Variants in TDO2 observed in about 807,000 individuals in gnomAD.
The protein encoded by TDO2 is tryptamin 2,3-dioxygenase.
A neutral mutation model predicts 61.2 loss-of-function variants in TDO2; 63 were observed. That is an observed-to-expected ratio of 1.03 (90% CI 0.84 to 1.27). The LOEUF (loss-of-function observed/expected upper bound fraction) is 1.27. Ranked by LOEUF, TDO2 falls within the 50% of genes most tolerant of loss-of-function variation. The probability of loss-of-function intolerance (pLI) is 0.00; values close to 1 mark genes in which losing one functional copy is unlikely to be tolerated. For missense variants in TDO2, 494 were observed against 469.5 expected (o/e 1.05, Z -0.48); for synonymous variants, 183 against 164.0 (o/e 1.12, Z -0.89).
In TDO2 at chr4:155,907,791, A is replaced by T. The variant is rs376385476; in HGVS notation, c.302A>T (p.His101Leu). ...DSVREIFQNGHVRDERNMLKV... is the reference protein window; with the variant it reads ...DSVREIFQNGLVRDERNMLKV... ...GTTCGAGAGATCTTTCAGAATGGCCATGTAAGTTCTTATGTCACAATATTG... is the reference window on the plus strand; with the variant it reads ...GTTCGAGAGATCTTTCAGAATGGCCTTGTAAGTTCTTATGTCACAATATTG... The change falls in exon 4 of 12, where the codon CAT (histidine) becomes CTT (leucine). Residue 101 changes from histidine (H) to leucine (L), a missense_variant and splice_region_variant. Physicochemically the swap from His to Leu is moderately conservative, Grantham distance 99 (BLOSUM62 -3). Transcript: ENST00000536354. The T allele has an allele frequency of 6.2e-7, 1 of 1,611,492 alleles. No individual in the cohort carries two copies. Among genetic ancestry groups the T allele is most frequent in the Non-Finnish European group, 8.5e-7 (1 of 1,178,094 alleles).
At chr4:155,912,328 G>A (rs1047582452) in intron 7 of TDO2, among the ~76,000 whole-genome samples, 4 of 152,238 alleles carry the variant, frequency 2.6e-5, no homozygotes, top group East Asian at 1.9e-4. Context: ...TACTTGTAAA[G>A]CATTGAAAGC....
chr4:155,914,835 T>C (rs1337621522), intron 8 of TDO2, among the ~76,000 whole-genome samples: 1 of 152,192 alleles, frequency 6.6e-6, no homozygotes, highest in African/African-American at 2.4e-5. Flanking sequence ...GTTTTAGAAT[T>C]AAGATAAAAT....
intron 7 of TDO2, among the ~76,000 whole-genome samples, chr4:155,913,316 G>A (rs377694004): frequency 3.8e-4 from 58 of 152,176 alleles, no homozygotes; most frequent in African/African-American, 1.2e-3. Context: ...ATGTGGTCAA[G>A]CCATATTAAG....
In TDO2 at chr4:155,917,489, C is replaced by A; in HGVS notation, c.976+15C>A. The stretch of plus-strand genomic sequence containing the variant: ...CAAATGGAGATGTAAGTCCTTCCCA[C>A]TCACCCCATGTTGCTTCCCCACATG... On this transcript the variant is annotated intron_variant, in intron 10 of 11. Coordinates refer to ENST00000536354, the MANE Select transcript of TDO2 (RefSeq NM_005651.4). 6.3e-7 allele frequency: 1 copy of A among 1,598,052 alleles called. No homozygotes were observed. The highest frequency in any genetic ancestry group is 8.5e-7 in the Non-Finnish European group (1 of 1,172,544).
intron 4 of TDO2, among the ~76,000 whole-genome samples, chr4:155,908,305 G>C (rs747453886): frequency 2.2e-4 from 33 of 152,116 alleles, no homozygotes; most frequent in Non-Finnish European, 4.1e-4. Context: ...AAAGCTTCCA[G>C]TGACGGCAGG....
At chr4:155,911,797 C>A (rs1017653176) in intron 7 of TDO2, among the ~76,000 whole-genome samples, 193 bp downstream of exon 7, 2 of 151,882 alleles carry the variant, frequency 1.3e-5, no homozygotes, top group Admixed American at 6.6e-5. Context: ...TAAAATAAGA[C>A]CTTCATTGCA....
rs992635717 is a variant in TDO2 at position 155,909,007 on chromosome 4, G to A, written c.424G>A (p.Asp142Asn). Residue 142 changes from aspartate (D) to asparagine (N), a missense_variant, in exon 5 of 12, where the codon GAC becomes AAC. By Grantham distance (23) the Asp-to-Asn change is conservative. Transcript: ENST00000536354. ...GACGATGACAGCCTTGGACTTCAAT[G>A]ACTTCAGGTGTGCACATTTGGCATT... ...LETMTALDFN[D>N]FREYLSPASG... 1 of 1,602,938 alleles carries A rather than the reference G, an allele frequency of 6.2e-7. No individual in the cohort carries two copies. The highest frequency in any genetic ancestry group is 1.8e-5 in the Admixed American group (1 of 57,018).
chr4:155,915,820 A>C, intron 8 of TDO2, 35 bp from the exon 9 acceptor site: 1 of 1,580,770 alleles, frequency 6.3e-7, no homozygotes, highest in South Asian at 1.2e-5. Flanking sequence ...ACCTTAAATG[A>C]CCTAAAAAAT....
chr4:155,904,398 T>C (rs1412802371), intron 2 of TDO2, among the ~76,000 whole-genome samples: 1 of 152,190 alleles, frequency 6.6e-6, no homozygotes, highest in East Asian at 1.9e-4. Flanking sequence ...CTGTGGATAA[T>C]TCACAGGCAT....
At position 155,920,191 on chromosome 4, in the gene TDO2, A is replaced by G; in HGVS notation, c.*201A>G. ...AAGATGAGAAAGAATACATTTAAAT[A>G]GTAACATTGTACATAGGGTGTTTTC... is the stretch of plus-strand genomic sequence containing the variant. On this transcript the variant is annotated 3_prime_UTR_variant, in exon 12 of 12. Transcript: ENST00000536354. 1 of 563,416 alleles carries G rather than the reference A, an allele frequency of 1.8e-6. No homozygotes were observed. 34.9% of individuals were successfully genotyped at this position (563,416 alleles called of 1,614,324 possible).
chr4:155,920,077 T>C lies in TDO2; in HGVS notation c.*87T>C. On this transcript the variant is annotated 3_prime_UTR_variant, in exon 12 of 12. Transcript: ENST00000536354. Reference sequence around the variant, plus strand: ...TTTTCATAAATACAGTTTGAATATATGTATGCATATATTGTTCAGCACCAC... The same window carrying C: ...TTTTCATAAATACAGTTTGAATATACGTATGCATATATTGTTCAGCACCAC... 2.4e-6 allele frequency: 3 copies of C among 1,261,022 alleles called. No homozygotes were observed. Among genetic ancestry groups the C allele is most frequent in the East Asian group, 2.4e-5 (1 of 42,322 alleles). The allele number at this position is 1,261,022 out of a possible 1,614,324, so 78.1% of individuals were successfully genotyped here.
intron 3 of TDO2, chr4:155,907,374 C>T (rs1397286277): frequency 1.1e-5 from 2 of 185,334 alleles, no homozygotes; most frequent in Non-Finnish European, 2.2e-5. Flanking sequence ...TTGATTATCA[C>T]TTCTGCTTCC....
chr4:155,909,465 A>G (rs1742778107), intron 5 of TDO2, among the ~76,000 whole-genome samples: 1 of 152,176 alleles, frequency 6.6e-6, no homozygotes, highest in Non-Finnish European at 1.5e-5. Flanking sequence ...TTTCTTACCA[A>G]AATGTGAGAA....
intron 9 of TDO2, 81 bp from the exon 10 acceptor site, chr4:155,917,314 A>C: frequency 8.4e-7 from 1 of 1,189,274 alleles, no homozygotes; most frequent in South Asian, 1.6e-5. Flanking sequence ...TCCAGGGCCA[A>C]CTGATTGTCA....
rs368729518 is a variant in TDO2, at chr4:155,909,005, A to G, written c.422A>G (p.Asn141Ser). The G allele has an allele frequency of 9.3e-6, 15 of 1,611,386 alleles. No individual in the cohort carries two copies. The highest frequency in any genetic ancestry group is 1.3e-5 in the African/African-American group (1 of 74,758). Residue 141 changes from asparagine (N) to serine (S), a missense_variant, in exon 5 of 12, where the codon AAT (asparagine) becomes AGT (serine). Coordinates refer to ENST00000536354, the MANE Select transcript of TDO2 (RefSeq NM_005651.4). ...ILETMTALDF[N>S]DFREYLSPAS... ...GAGACGATGACAGCCTTGGACTTCA[A>G]TGACTTCAGGTGTGCACATTTGGCA...
Position 155,907,772 on chromosome 4 carries a change from G to C in TDO2, c.283G>C (p.Glu95Gln), listed in dbSNP as rs373264242. The C allele has an allele frequency of 1.8e-5, 29 of 1,613,148 alleles. No homozygotes were observed. The African/African-American group carries it at 3.6e-4, about 20-fold the overall frequency. ...CCTCTGGGAGTTGGATTCTGTTCGAGAGATCTTTCAGAATGGCCATGTAAG... is the reference window on the plus strand; with the variant it reads ...CCTCTGGGAGTTGGATTCTGTTCGACAGATCTTTCAGAATGGCCATGTAAG... ...QILWELDSVR[E>Q]IFQNGHVRDE... The change falls in exon 4 of 12, where the codon GAG (glutamate) becomes CAG (glutamine). Residue 95 changes from glutamate to glutamine, a missense_variant. Physicochemically the swap from Glu to Gln is conservative, Grantham distance 29. Coordinates refer to ENST00000536354, the MANE Select transcript of TDO2 (RefSeq NM_005651.4).
Position 155,920,131 on chromosome 4 carries a change from T to C in TDO2, c.*141T>C, listed in dbSNP as rs1743016663. ...GCTCTGATTTAATTCTAGAAACAAT[T>C]TGATTACCTCTTGTTTGTGACAAGA... On this transcript the variant is annotated 3_prime_UTR_variant, in exon 12 of 12. Coordinates refer to ENST00000536354, the MANE Select transcript of TDO2 (RefSeq NM_005651.4). The C allele has an allele frequency of 5.4e-6, 4 of 735,520 alleles. No homozygotes were observed. Among genetic ancestry groups the C allele is most frequent in the African/African-American group, 3.6e-5 (2 of 55,478 alleles). The allele number at this position is 735,520 out of a possible 1,614,324, so 45.6% of individuals were successfully genotyped here.
intron 5 of TDO2, 40 bp downstream of exon 5, chr4:155,909,054 A>G (rs554115352): frequency 7.7e-6 from 12 of 1,552,462 alleles, no homozygotes; most frequent in East Asian, 2.3e-5. Flanking sequence ...GATGGAATTT[A>G]CTTTCTCATT....
In TDO2 at chr4:155,905,053, T is replaced by A. The variant is rs753940201; in HGVS notation, c.142-14T>A. On this transcript the variant is annotated splice_polypyrimidine_tract_variant and intron_variant, in intron 2 of 11. Transcript: ENST00000536354. Reference sequence around the variant, plus strand: ...TCTGCAATTTCAGACAGGCTTTTTATTTTTCATTTCAAGTTGGAAAAAGTT... The same window carrying A: ...TCTGCAATTTCAGACAGGCTTTTTAATTTTCATTTCAAGTTGGAAAAAGTT... The A allele has an allele frequency of 6.4e-7, 1 of 1,566,720 alleles. No individual in the cohort carries two copies. The highest frequency in any genetic ancestry group is 8.6e-7 in the Non-Finnish European group (1 of 1,157,836).
Sources: gnomAD v4.1 joint callset for allele counts (sites outside exome capture counted in the v4.1 genomes callset) on GRCh38, gnomAD v4.1.1 for gene constraint, MANE v1.5 for transcripts, NCBI Gene and HGNC (gene_info 2026-07-23, HGNC 2026-07-21) for gene names.